NRXN1: variants seen among roughly 807,000 people sequenced by gnomAD.
The protein encoded by NRXN1 is neurexin-1.
A neutral mutation model predicts 150.9 loss-of-function variants in NRXN1; 39 were observed. That is an observed-to-expected ratio of 0.26 (90% CI 0.20 to 0.34). The LOEUF is 0.34. Ranked by LOEUF, NRXN1 falls within the 10% of genes least tolerant of loss-of-function variation. The probability of loss-of-function intolerance (pLI) is 1.00; values close to 1 mark genes in which losing one functional copy is unlikely to be tolerated. For missense variants in NRXN1, 1,815 were observed against 1,949.9 expected, an observed-to-expected ratio of 0.93 and a Z score of 1.30; for synonymous variants, 924 against 757.0, an observed-to-expected ratio of 1.22 and a Z score of -3.62.
intron 18 of NRXN1, among the ~76,000 whole-genome samples, chr2:50,177,175 G>A (rs905674976): frequency 1.3e-5 from 2 of 152,028 alleles, no homozygotes; most frequent in African/African-American, 4.8e-5. Context: ...TAATAGCGGG[G>A]ATTGGGTTTC....
At chr2:50,708,413 T>A (rs1694725572) in intron 5 of NRXN1, among the ~76,000 whole-genome samples, 1 of 152,218 alleles carries the variant, frequency 6.6e-6, no homozygotes, top group East Asian at 1.9e-4. Context: ...TTCTTCTTAT[T>A]GGCCAATTAA....
rs1404051227 is a variant in NRXN1, at chr2:50,078,706, G to A, written c.3718+12617C>T. ...TGTCCCTCAATTTTGGTTTGTCGTA[G>A]TTAGATGGAACTTATGGATTTTTGT... On this transcript the variant is annotated intron_variant, in intron 19 of 22. Transcript: ENST00000401669. Among the ~76,000 whole-genome samples, 43 of 152,036 alleles carry A rather than the reference G, an allele frequency of 2.8e-4. 1 individual carries two copies. Among genetic ancestry groups the A allele is most frequent in the Admixed American group, 2.8e-3 (43 of 15,268 alleles).
intron 21 of NRXN1, among the ~76,000 whole-genome samples, chr2:49,976,695 C>G (rs78320585): frequency 4.6e-5 from 7 of 152,186 alleles, no homozygotes; most frequent in African/African-American, 1.2e-4. Flanking sequence ...TGCTGAAGAC[C>G]TTCACATCTC....
intron 5 of NRXN1, among the ~76,000 whole-genome samples, chr2:50,853,487 A>G (rs994002419): frequency 6.6e-6 from 1 of 152,132 alleles, no homozygotes; most frequent in African/African-American, 2.4e-5. Context: ...ATGGTTTATT[A>G]GAAGAGATAG....
chr2:50,187,978 C>G (rs2061197184), intron 18 of NRXN1, among the ~76,000 whole-genome samples: 1 of 152,050 alleles, frequency 6.6e-6, no homozygotes, highest in South Asian at 2.1e-4. Context: ...AGATTTTGAG[C>G]TGAGATGATG....
At chr2:50,360,716 T>C (rs1469878457) in intron 17 of NRXN1, among the ~76,000 whole-genome samples, 1 of 151,850 alleles carries the variant, frequency 6.6e-6, no homozygotes, top group African/African-American at 2.4e-5. Context: ...AGACAGAAAA[T>C]TAACAAGGAT....
chr2:49,971,677 A>G (rs190927874), intron 21 of NRXN1, among the ~76,000 whole-genome samples: 1 of 152,278 alleles, frequency 6.6e-6, no homozygotes, highest in Non-Finnish European at 1.5e-5. Context: ...GTTACAGGGA[A>G]TTTGCCAAGT....
intron 17 of NRXN1, among the ~76,000 whole-genome samples, chr2:50,238,250 G>T (rs1430382785): frequency 6.6e-6 from 1 of 151,966 alleles, no homozygotes; most frequent in African/African-American, 2.4e-5. Context: ...AAAGAAAAAA[G>T]ATTGGATTTT....
At chr2:50,128,751 G>A (rs532784343) in intron 18 of NRXN1, among the ~76,000 whole-genome samples, 1 of 152,036 alleles carries the variant, frequency 6.6e-6, no homozygotes, top group Non-Finnish European at 1.5e-5. Flanking sequence ...GGGGAGCTGA[G>A]GGGGGTGGAT....
intron 5 of NRXN1, among the ~76,000 whole-genome samples, chr2:50,860,842 T>A (rs1013606857): frequency 1.3e-5 from 2 of 152,130 alleles, no homozygotes; most frequent in African/African-American, 4.8e-5. Context: ...TAAAACTGTA[T>A]ATAAGTGAAG....
intron 2 of NRXN1, among the ~76,000 whole-genome samples, chr2:50,949,289 C>CA (rs748339063): frequency 9.9e-5 from 15 of 151,898 alleles, no homozygotes; most frequent in Non-Finnish European, 2.2e-4. Context: ...TTTAGTTAAA[C>CA]AAAAAGGATG....
chr2:50,515,600 GGTGTGTGTGTGTGTGTGTGT>G (rs60612860), intron 12 of NRXN1, among the ~76,000 whole-genome samples: 1 of 143,424 alleles, frequency 7.0e-6, no homozygotes, highest in Non-Finnish European at 1.5e-5. Context: ...AAATGCTTGG[GGTGTGTGTGTGTGTGTGTGT>G]GTGTGTGTGT....
intron 17 of NRXN1, among the ~76,000 whole-genome samples, chr2:50,406,908 A>AT (rs111526966): frequency 0.11 from 16,938 of 152,036 alleles, 1,054 homozygotes; most frequent in Non-Finnish European, 0.14. Context: ...TTAAAGCTCA[A>AT]TTTTTTGCAT....
At chr2:50,272,975 C>T (rs1284493094) in intron 17 of NRXN1, among the ~76,000 whole-genome samples, 1 of 151,954 alleles carries the variant, frequency 6.6e-6, no homozygotes, top group Non-Finnish European at 1.5e-5. Context: ...GGCAAGTCTG[C>T]ATAGGAAGTT....
chr2:50,378,152 AATAAGTTTG>A (rs2080666106), intron 17 of NRXN1, among the ~76,000 whole-genome samples: 1 of 152,186 alleles, frequency 6.6e-6, no homozygotes, highest in Admixed American at 6.6e-5. Flanking sequence ...TGCATTAGTC[AATAAGTTTG>A]ATACCTAAAT....
intron 17 of NRXN1, among the ~76,000 whole-genome samples, chr2:50,321,296 A>G (rs2076021022): frequency 6.6e-6 from 1 of 152,134 alleles, no homozygotes; most frequent in African/African-American, 2.4e-5. Context: ...GGTCCAACAC[A>G]TTGTCTGTAT....
At position 50,436,501 on chromosome 2, in the gene NRXN1, C is replaced by T. The variant is rs937670519; in HGVS notation, c.3364+28941G>A. On this transcript the variant is annotated intron_variant, in intron 17 of 22. Transcript: ENST00000401669. ...AAGAAGTGTTTAACACAATTTACTGCTTTAAAAATGATTTTACATTGATAT... is the reference window on the plus strand; with the variant it reads ...AAGAAGTGTTTAACACAATTTACTGTTTTAAAAATGATTTTACATTGATAT... 3.3e-5 allele frequency among the ~76,000 whole-genome samples: 5 copies of T among 151,682 alleles called. No individual in the cohort carries two copies. In the East Asian group the frequency reaches 9.6e-4, roughly 29 times the overall value.
chr2:50,163,422 G>C lies in NRXN1; in HGVS notation c.3547-71928C>G, dbSNP rs1218583805. On this transcript the variant is annotated intron_variant, in intron 18 of 22. Coordinates refer to ENST00000401669, the MANE Select transcript of NRXN1 (RefSeq NM_001330078.2). ...CCATTGGCCTCTGCAACTTGTAAGA[G>C]TAGAGGGAAAACAGACAGATCTACT... Among the ~76,000 whole-genome samples, 3 of 152,178 alleles carry C rather than the reference G, an allele frequency of 2.0e-5. No homozygotes were observed. The South Asian group carries it at 6.2e-4, about 32-fold the overall frequency.
At chr2:50,375,431 A>G (rs1160004140) in intron 17 of NRXN1, among the ~76,000 whole-genome samples, 1 of 149,690 alleles carries the variant, frequency 6.7e-6, no homozygotes, top group African/African-American at 2.5e-5. Context: ...AGAGAGTGTA[A>G]CTTGCCAAAG....
Sources: allele counts gnomAD v4.1 joint callset (sites outside exome capture counted in the v4.1 genomes callset), GRCh38; gene constraint gnomAD v4.1.1; transcripts MANE v1.5; gene names NCBI Gene and HGNC (gene_info 2026-07-23, HGNC 2026-07-21).